The following STON2 variants were observed in gnomAD, a reference collection of about 807,000 sequenced individuals.
STON2 encodes the protein stonin-2.
A neutral mutation model predicts 65.7 loss-of-function variants in STON2; 29 were observed. That is an observed-to-expected ratio of 0.44 (90% CI 0.33 to 0.60). STON2 has a LOEUF of 0.60. Among genes scored for constraint, STON2 ranks in the 20% least tolerant of loss-of-function variants. The pLI, the probability that STON2 is intolerant of heterozygous loss-of-function variation, is 0.03. For missense variants in STON2, 1,054 were observed against 1,118.1 expected, an observed-to-expected ratio of 0.94 and a Z score of 0.82; for synonymous variants, 404 against 414.2, an observed-to-expected ratio of 0.98 and a Z score of 0.30.
intron 1 of STON2, among the ~76,000 whole-genome samples, chr14:81,432,298 A>G (rs140135507): frequency 2.9e-4 from 44 of 152,250 alleles, no homozygotes; most frequent in African/African-American, 1.0e-3. Flanking sequence ...AGGAGTGATG[A>G]GTCACAGTTG....
At position 81,278,690 on chromosome 14, in the gene STON2, G is replaced by A; in HGVS notation, c.792C>T (p.Ile264=). 6.6e-7 allele frequency: 1 copy of A among 1,524,884 alleles called. No individual in the cohort carries two copies. The highest frequency in any genetic ancestry group is 8.8e-7 in the Non-Finnish European group (1 of 1,139,104). The allele number at this position is 1,524,884 out of a possible 1,614,324, so 94.5% of individuals were successfully genotyped here. The change falls in exon 6 of 8, where the codon ATC becomes ATT. Residue 264 remains isoleucine, a synonymous_variant. Transcript: ENST00000614646. ...TGGCTGGACTGCTGGCCTGCCAGCT[G>A]ATGGCCTCCATCTCTACTTCTTCAT... ...QEDEEVEMEA[I]SWQASSPAMN...
chr14:81,395,932 GCCCAGGGTGTGTCATCTTCAAACTGAA>G lies in STON2; in HGVS notation c.308_334del (p.Val103_Trp111del). On this transcript the variant is annotated inframe_deletion, in exon 3 of 8. Transcript: ENST00000614646. Reference sequence around the variant, plus strand: ...TTCCTGATGAGGTGGAGATGTGCTGGCCCAGGGTGTGTCATCTTCAAACTGAACCCAGTTGCTGATGGCCGAGGCCAG... The same window carrying G: ...TTCCTGATGAGGTGGAGATGTGCTGGCCCAGTTGCTGATGGCCGAGGCCAG... 6.2e-7 allele frequency: 1 copy of G among 1,614,074 alleles called. No individual in the cohort carries two copies. Among genetic ancestry groups the G allele is most frequent in the Non-Finnish European group, 8.5e-7 (1 of 1,180,008 alleles).
rs115210334 is a variant in STON2, at chr14:81,274,459, T to C, written c.2581+2442A>G. Among the ~76,000 whole-genome samples the C allele has an allele frequency of 9.9e-3, 1,500 of 152,268 alleles. 26 individuals are homozygous for C. The highest frequency in any genetic ancestry group is 0.035 in the African/African-American group (1,440 of 41,538). On this transcript the variant is annotated intron_variant, in intron 6 of 7. Transcript: ENST00000614646. ...CCACTGGGAATCATTAAGGAGAGTG[T>C]TTGCTGAAGGCCTGGTTTTGCTTTT...
intron 4 of STON2, among the ~76,000 whole-genome samples, chr14:81,339,591 G>A (rs1184819474): frequency 6.6e-6 from 1 of 152,104 alleles, no homozygotes; most frequent in Non-Finnish European, 1.5e-5. Flanking sequence ...GCCAAGAACA[G>A]CATAGCCCCT....
upstream of STON2, among the ~76,000 whole-genome samples, chr14:81,405,276 T>C (rs1415698978): frequency 6.6e-6 from 1 of 152,170 alleles, no homozygotes; most frequent in Non-Finnish European, 1.5e-5. Context: ...GAATTTTGTA[T>C]CTTATTCAGC....
chr14:81,349,669 G>A (rs1897950075), intron 4 of STON2, among the ~76,000 whole-genome samples: 1 of 152,090 alleles, frequency 6.6e-6, no homozygotes, highest in Admixed American at 6.6e-5. Context: ...ACAGTGTGGA[G>A]ATTTCTCAAA....
chr14:81,270,919 T>A, intron 6 of STON2, 47 bp from the exon 7 acceptor site: 1 of 1,587,996 alleles, frequency 6.3e-7, no homozygotes, highest in Non-Finnish European at 8.6e-7. Flanking sequence ...GGGGAGAAAG[T>A]GGAAGGAGCA....
intron 2 of STON2, among the ~76,000 whole-genome samples, chr14:81,425,153 T>C (rs1264338872): frequency 6.6e-6 from 1 of 152,258 alleles, no homozygotes; most frequent in Non-Finnish European, 1.5e-5. Context: ...TCCACATCTC[T>C]GGGTTCTTAT....
At position 81,264,536 on chromosome 14, in the gene STON2, C is replaced by T. The variant is rs886384022; in HGVS notation, c.*3878G>A. 4 of 984,648 alleles carry T rather than the reference C, an allele frequency of 4.1e-6. No individual in the cohort carries two copies. Among genetic ancestry groups the T allele is most frequent in the Middle Eastern group, 5.2e-4 (1 of 1,914 alleles). 61.0% of individuals were successfully genotyped at this position (984,648 alleles called of 1,614,324 possible). ...AGCTTTGTGCTAGGTGTTGGAAACACAAAAAATTATATATAGTCCTTGCCT... is the reference window on the plus strand; with the variant it reads ...AGCTTTGTGCTAGGTGTTGGAAACATAAAAAATTATATATAGTCCTTGCCT... On this transcript the variant is annotated 3_prime_UTR_variant, in exon 8 of 8. Coordinates refer to ENST00000614646, the MANE Select transcript of STON2 (RefSeq NM_001394390.1).
At chr14:81,409,647 G>C (rs1443681294) in intron 2 of STON2, among the ~76,000 whole-genome samples, 1 of 152,128 alleles carries the variant, frequency 6.6e-6, no homozygotes, top group Non-Finnish European at 1.5e-5. Context: ...GGCTCAGAGA[G>C]GTTCTGTGAC....
At chr14:81,300,807 C>G (rs909054114) in intron 5 of STON2, among the ~76,000 whole-genome samples, 5 of 152,048 alleles carry the variant, frequency 3.3e-5, no homozygotes, top group Non-Finnish European at 5.9e-5. Context: ...TACTTTATGA[C>G]CCAACAATTC....
At chr14:81,283,327 C>A (rs1362411689) in intron 5 of STON2, among the ~76,000 whole-genome samples, 1 of 152,136 alleles carries the variant, frequency 6.6e-6, no homozygotes, top group Non-Finnish European at 1.5e-5. Flanking sequence ...AACATAGAGA[C>A]TCTACTATCT....
At chr14:81,292,525 A>C (rs551599305) in intron 5 of STON2, among the ~76,000 whole-genome samples, 3 of 152,250 alleles carry the variant, frequency 2.0e-5, no homozygotes, top group African/African-American at 7.2e-5. Context: ...AGTTCTCATG[A>C]GGTCTGATGG....
intron 2 of STON2, among the ~76,000 whole-genome samples, chr14:81,424,206 G>A (rs1277056161): frequency 6.6e-6 from 1 of 152,102 alleles, no homozygotes; most frequent in Non-Finnish European, 1.5e-5. Flanking sequence ...CACTTTGGGA[G>A]GCCAAGGCAG....
chr14:81,374,172 G>A (rs554874811), intron 3 of STON2, among the ~76,000 whole-genome samples: 25 of 150,962 alleles, frequency 1.7e-4, no homozygotes, highest in African/African-American at 4.4e-4. Flanking sequence ...CACCATGCCC[G>A]GCCGATTTTT....
chr14:81,296,902 T>G (rs1895782790), intron 5 of STON2, among the ~76,000 whole-genome samples: 1 of 151,612 alleles, frequency 6.6e-6, no homozygotes. Flanking sequence ...TTCTTAAGAT[T>G]TCTGATTAAG....
Position 81,324,202 on chromosome 14 carries a change from C to T in STON2, c.572-15G>A, listed in dbSNP as rs1235062470. 6.6e-6 allele frequency among the ~76,000 whole-genome samples: 1 copy of T among 152,032 alleles called. No individual in the cohort carries two copies. The highest frequency in any genetic ancestry group is 1.5e-5 in the Non-Finnish European group (1 of 67,980). The stretch of plus-strand genomic sequence containing the variant: ...CGTCCTCTTGTCTGGGTGGGAAGGG[C>T]CAAGATGAAAAAAAAATGTGCAGGT... On this transcript the variant is annotated splice_polypyrimidine_tract_variant and intron_variant, in intron 4 of 7. Transcript: ENST00000614646.
rs139873071 is a variant in STON2, at chr14:81,335,511, G to A, written c.572-11324C>T. ...GAATATCCAGGGTGTCACCTCTCAA[G>A]AGTTATTGTTTTTCTTTTGGTTCTG... On this transcript the variant is annotated intron_variant, in intron 4 of 7. Coordinates refer to ENST00000614646, the MANE Select transcript of STON2 (RefSeq NM_001394390.1). Among the ~76,000 whole-genome samples the A allele has an allele frequency of 8.6e-3, 1,314 of 152,226 alleles. 29 individuals carry two copies. Among genetic ancestry groups the A allele is most frequent in the African/African-American group, 0.03 (1,241 of 41,552 alleles).
At position 81,277,126 on chromosome 14, in the gene STON2, T is replaced by A; in HGVS notation, c.2356A>T (p.Met786Leu). Residue 786 changes from methionine to leucine, a missense_variant, in exon 6 of 8, where the codon ATG becomes TTG. Physicochemically the swap from Met to Leu is conservative, Grantham distance 15 (BLOSUM62 2). Transcript: ENST00000614646. Reference sequence around the variant, plus strand: ...TCACTGGGCACAGGGTAACGGATCATCACATTCTCACAGGGAACCTGAGTG... The same window carrying A: ...TCACTGGGCACAGGGTAACGGATCAACACATTCTCACAGGGAACCTGAGTG... ...PLTQVPCENV[M>L]IRYPVPSEWV... 6.2e-7 allele frequency: 1 copy of A among 1,614,144 alleles called. No individual in the cohort carries two copies. Among genetic ancestry groups the A allele is most frequent in the Non-Finnish European group, 8.5e-7 (1 of 1,180,022 alleles).
Sources: allele counts gnomAD v4.1 joint callset (sites outside exome capture counted in the v4.1 genomes callset), GRCh38; gene constraint gnomAD v4.1.1; transcripts MANE v1.5; gene names NCBI Gene and HGNC (gene_info 2026-07-23, HGNC 2026-07-21).